ZFAT: variants seen among roughly 807,000 people sequenced by gnomAD.
ZFAT encodes zinc finger protein ZFAT.
Under a neutral mutation model 117.7 loss-of-function variants are expected in ZFAT, and 64 were observed. The observed-to-expected ratio is 0.54, with a 90% CI of 0.44 to 0.67. The LOEUF (loss-of-function observed/expected upper bound fraction) is 0.67, where lower values mean the gene tolerates loss of function less well. Among genes scored for constraint, ZFAT ranks in the 30% least tolerant of loss-of-function variants. The pLI is 0.00. For missense variants in ZFAT, 1,433 were observed against 1,584.5 expected (o/e 0.90, Z 1.62); for synonymous variants, 679 against 615.0 (o/e 1.10, Z -1.54).
the ZFAT span, among the ~76,000 whole-genome samples, chr8:134,740,378 G>A: frequency 6.6e-6 from 1 of 152,234 alleles, no homozygotes; most frequent in Non-Finnish European, 1.5e-5. Context: ...GCTACCCACA[G>A]CGTGGTCCTG....
chr8:134,599,524 T>G, intron 7 of ZFAT: 1 of 312,470 alleles, frequency 3.2e-6, no homozygotes, highest in Non-Finnish European at 6.2e-6. Context: ...CCTGTGAGAG[T>G]GTTGGAGACA....
At chr8:134,552,016 T>G (rs1169454124) in intron 11 of ZFAT, among the ~76,000 whole-genome samples, 9 of 152,216 alleles carry the variant, frequency 5.9e-5, no homozygotes, top group Admixed American at 3.3e-4. Context: ...TTAATCCAAT[T>G]AAAACATAAT....
intron 13 of ZFAT, among the ~76,000 whole-genome samples, chr8:134,518,031 T>C (rs868699905): frequency 6.6e-6 from 1 of 152,220 alleles, no homozygotes; most frequent in Non-Finnish European, 1.5e-5. Context: ...TGGAAGGAGA[T>C]ATTCAGAGTT....
the ZFAT span, among the ~76,000 whole-genome samples, chr8:134,788,213 T>C: frequency 0.089 from 13,503 of 152,192 alleles, 670 homozygotes; most frequent in South Asian, 0.14. Flanking sequence ...TACTTGAAAA[T>C]AGTTTAGGTA....
chr8:134,665,312 A>G (rs1832155319), intron 1 of ZFAT, among the ~76,000 whole-genome samples: 1 of 152,154 alleles, frequency 6.6e-6, no homozygotes, highest in African/African-American at 2.4e-5. Context: ...CCCCTCCCCA[A>G]CTTTCAGGCC....
the ZFAT span, among the ~76,000 whole-genome samples, chr8:134,782,912 C>T: frequency 6.6e-6 from 1 of 151,946 alleles, no homozygotes; most frequent in Non-Finnish European, 1.5e-5. Context: ...ATTCCATTTC[C>T]ACCCCCTACC....
intron 1 of ZFAT, among the ~76,000 whole-genome samples, chr8:134,695,382 G>A (rs896954603): frequency 1.4e-5 from 2 of 147,374 alleles, no homozygotes; most frequent in South Asian, 2.1e-4. Context: ...CCCTCCGTCC[G>A]TAACTAAGGA....
the ZFAT span, chr8:134,785,709 CTG>C: frequency 3.9e-5 from 5 of 126,720 alleles, no homozygotes; most frequent in African/African-American, 1.2e-4. Flanking sequence ...ATCACAAGGG[CTG>C]TGTTATCACT....
chr8:134,752,023 T>C, the ZFAT span, among the ~76,000 whole-genome samples: 2 of 152,198 alleles, frequency 1.3e-5, no homozygotes, highest in African/African-American at 4.8e-5. Flanking sequence ...TCTTTTTTTC[T>C]CTTCACTCCT....
At chr8:134,497,713 G>A (rs1818579697) in intron 15 of ZFAT, among the ~76,000 whole-genome samples, 1 of 82,588 alleles carries the variant, frequency 1.2e-5, no homozygotes, top group Non-Finnish European at 2.6e-5. Flanking sequence ...TACACACACA[G>A]CCTGATTTGG....
chr8:134,779,681 T>C, the ZFAT span, among the ~76,000 whole-genome samples: 3 of 152,192 alleles, frequency 2.0e-5, no homozygotes, highest in Admixed American at 6.5e-5. Flanking sequence ...TAAGTATCTA[T>C]CTTAAAAACC....
the ZFAT span, chr8:134,797,007 G>A: frequency 6.6e-6 from 1 of 152,070 alleles, no homozygotes; most frequent in Non-Finnish European, 1.5e-5. Context: ...AAAAGTTTAA[G>A]ATTACAGATT....
intron 13 of ZFAT, among the ~76,000 whole-genome samples, chr8:134,514,074 A>G (rs4909858): frequency 0.49 from 74,242 of 152,074 alleles, 19,646 homozygotes; most frequent in African/African-American, 0.7. Flanking sequence ...GAAGGCTGGT[A>G]CTCGTTGCAA....
At chr8:134,634,186 C>T (rs553017945) in intron 3 of ZFAT, among the ~76,000 whole-genome samples, 1 of 152,266 alleles carries the variant, frequency 6.6e-6, no homozygotes, top group South Asian at 2.1e-4. Flanking sequence ...TAGAAAACAG[C>T]TTGTTAAATA....
At chr8:134,822,988 T>C in the ZFAT span, among the ~76,000 whole-genome samples, 4 of 152,188 alleles carry the variant, frequency 2.6e-5, no homozygotes, top group Non-Finnish European at 5.9e-5. Flanking sequence ...TGTTCTCTAC[T>C]AAGGAATATG....
intron 15 of ZFAT, among the ~76,000 whole-genome samples, chr8:134,495,240 G>C (rs1263468107): frequency 6.6e-6 from 1 of 152,154 alleles, no homozygotes; most frequent in African/African-American, 2.4e-5. Context: ...GAGCCAGCAT[G>C]GTTAGGTTAC....
chr8:134,609,897 T>C (rs943987806), intron 4 of ZFAT, among the ~76,000 whole-genome samples: 1 of 152,308 alleles, frequency 6.6e-6, no homozygotes, highest in Non-Finnish European at 1.5e-5. Context: ...GATACCACCT[T>C]AGGACATTTC....
At chr8:134,607,339 A>T (rs1345479859) in intron 5 of ZFAT, among the ~76,000 whole-genome samples, 1 of 152,276 alleles carries the variant, frequency 6.6e-6, no homozygotes, top group Non-Finnish European at 1.5e-5. Flanking sequence ...GATTGAAGCT[A>T]CAAATTAATG....
At chr8:134,616,819 C>T (rs1316733357) in intron 3 of ZFAT, among the ~76,000 whole-genome samples, 2 of 152,146 alleles carry the variant, frequency 1.3e-5, no homozygotes, top group African/African-American at 4.8e-5. Flanking sequence ...GTCAGAGAGG[C>T]TGGGTTAGGA....
Sources: allele counts gnomAD v4.1 joint callset (sites outside exome capture counted in the v4.1 genomes callset), GRCh38; gene constraint gnomAD v4.1.1; transcripts MANE v1.5; gene names NCBI Gene and HGNC (gene_info 2026-07-23, HGNC 2026-07-21).